Variants in KYAT3 observed in about 807,000 individuals in gnomAD.
The protein encoded by KYAT3 is kynurenine--oxoglutarate transaminase 3.
A neutral mutation model predicts 59.0 loss-of-function variants in KYAT3; 50 were observed. That is an observed-to-expected ratio of 0.85 (90% confidence interval 0.68 to 1.07). The LOEUF (loss-of-function observed/expected upper bound fraction) is 1.07, where lower values mean the gene tolerates loss of function less well. Ranked by LOEUF, KYAT3 falls within the 50% of genes least tolerant of loss-of-function variation. The probability of loss-of-function intolerance (pLI) is 0.00; values close to 1 mark genes in which losing one functional copy is unlikely to be tolerated. For missense variants in KYAT3, 497 were observed against 533.3 expected (o/e 0.93, Z 0.67); for synonymous variants, 148 against 177.0 (o/e 0.84, Z 1.30).
chr1:88,967,393 T>G (rs1676387726), intron 4 of KYAT3, among the ~76,000 whole-genome samples: 1 of 152,072 alleles, frequency 6.6e-6, no homozygotes, highest in African/African-American at 2.4e-5. Flanking sequence ...AGAACTGGTA[T>G]TATTAGGTTT....
chr1:88,949,240 C>G lies in KYAT3; in HGVS notation c.992G>C (p.Arg331Pro). The stretch of plus-strand genomic sequence containing the variant: ...AAAGTAACATTCTGGGTCATCCATG[C>G]GCTTGATGTCAATCCAGAAAGCTTG... ...LAQAFWIDIK[R>P]MDDPECYFNS... The change falls in exon 11 of 14, where the codon CGC (arginine) becomes CCC (proline). Residue 331 changes from arginine (R) to proline (P), a missense_variant. Physicochemically the swap from Arg to Pro is moderately radical, Grantham distance 103. Around this residue, in one of 2 missense-constraint regions of KYAT3, gnomAD observed 469 missense variants for 479.1 expected, o/e 0.98. Transcript: ENST00000260508. The G allele has an allele frequency of 6.3e-7, 1 of 1,579,452 alleles. No homozygotes were observed. The highest frequency in any genetic ancestry group is 8.6e-7 in the Non-Finnish European group (1 of 1,168,740).
chr1:88,938,543 A>G (rs1198599484), intron 13 of KYAT3, among the ~76,000 whole-genome samples: 1 of 151,814 alleles, frequency 6.6e-6, no homozygotes, highest in Admixed American at 6.6e-5. Flanking sequence ...CCCACCCTCC[A>G]CCCTCAAGGA....
rs747415758 is a variant in KYAT3, at chr1:88,949,110, G to A, written c.1122C>T (p.Ile374=). 47 of 1,592,032 alleles carry A rather than the reference G, an allele frequency of 3.0e-5. No homozygotes were observed. The highest frequency in any genetic ancestry group is 3.3e-4 in the Middle Eastern group (2 of 5,986). ...PIVPDGGYFI[I]ADVSLLDPDL... Reference sequence around the variant, plus strand: ...ACAAACCTAGCAAAGACACATCAGCGATGATGAAGTATCCTCCATCAGGAA... The same window carrying A: ...ACAAACCTAGCAAAGACACATCAGCAATGATGAAGTATCCTCCATCAGGAA... The change falls in exon 11 of 14, where the codon ATC becomes ATT. Residue 374 remains isoleucine (I), a synonymous_variant. Coordinates refer to ENST00000260508, the MANE Select transcript of KYAT3 (RefSeq NM_001008661.3).
chr1:88,955,116 AT>A, intron 9 of KYAT3, 32 bp downstream of exon 9: 1 of 1,405,352 alleles, frequency 7.1e-7, no homozygotes, highest in Non-Finnish European at 1.0e-6. Flanking sequence ...ATACAGGCCT[AT>A]TTTTAAGCAA....
downstream of KYAT3, among the ~76,000 whole-genome samples, chr1:88,934,751 A>C (rs1570764207): frequency 6.6e-6 from 1 of 152,300 alleles, no homozygotes; most frequent in African/African-American, 2.4e-5. Flanking sequence ...TGAAGATTTA[A>C]GGGAGCCGAT....
intron 2 of KYAT3, chr1:88,979,691 CA>C (rs1321542855): frequency 4.6e-5 from 7 of 152,208 alleles, no homozygotes; most frequent in African/African-American, 1.4e-4. Context: ...TGAGTGTTGG[CA>C]GTTGGAACTC....
intron 13 of KYAT3, among the ~76,000 whole-genome samples, chr1:88,939,732 C>T (rs1055132457): frequency 1.3e-5 from 2 of 152,094 alleles, no homozygotes; most frequent in African/African-American, 4.8e-5. Context: ...TCCTTAATGT[C>T]CTTACAGAAG....
At chr1:88,947,673 C>A (rs1435862079) in intron 11 of KYAT3, among the ~76,000 whole-genome samples, 2 of 152,206 alleles carry the variant, frequency 1.3e-5, no homozygotes, top group African/African-American at 4.8e-5. Context: ...GAGTTTACAG[C>A]CACTTTCCAG....
At chr1:88,974,013 TCA>T (rs1366938977) in intron 2 of KYAT3, among the ~76,000 whole-genome samples, 2 of 152,146 alleles carry the variant, frequency 1.3e-5, no homozygotes, top group East Asian at 3.9e-4. Context: ...GAAGTCAAGG[TCA>T]CAGCCAAAAA....
At chr1:88,948,113 A>T (rs113452145) in intron 11 of KYAT3, among the ~76,000 whole-genome samples, 1 of 151,742 alleles carries the variant, frequency 6.6e-6, no homozygotes, top group African/African-American at 2.4e-5. Context: ...AACAAAACAA[A>T]ACAAAACAAA....
chr1:88,940,440 C>G (rs547944077), intron 13 of KYAT3, among the ~76,000 whole-genome samples: 1 of 152,172 alleles, frequency 6.6e-6, no homozygotes, highest in East Asian at 1.9e-4. Flanking sequence ...ATGCACTATA[C>G]CTATTGTTCT....
At chr1:88,986,204 GAGAGAC>G (rs1398510060) in intron 2 of KYAT3, among the ~76,000 whole-genome samples, 5 of 151,208 alleles carry the variant, frequency 3.3e-5, no homozygotes, top group African/African-American at 1.2e-4. Context: ...GAGAGAGAGA[GAGAGAC>G]AGAGAGAGTT....
downstream of KYAT3, among the ~76,000 whole-genome samples, chr1:88,932,677 G>A (rs1302982093): frequency 1.3e-5 from 2 of 151,834 alleles, no homozygotes; most frequent in Non-Finnish European, 2.9e-5. Context: ...ATTCTTTTTT[G>A]TGGAGATAAG....
the KYAT3 span, among the ~76,000 whole-genome samples, chr1:88,922,326 G>A: frequency 2.0e-5 from 3 of 152,182 alleles, no homozygotes; most frequent in Non-Finnish European, 2.9e-5. Context: ...GCCCTGATGA[G>A]GAAAGAGCAG....
At chr1:88,922,028 A>C in the KYAT3 span, among the ~76,000 whole-genome samples, 1 of 152,256 alleles carries the variant, frequency 6.6e-6, no homozygotes. Context: ...GACAGAAAAA[A>C]TTAACCATCA....
At chr1:88,959,982 T>G (rs1286607756) in intron 8 of KYAT3, among the ~76,000 whole-genome samples, 3 of 145,544 alleles carry the variant, frequency 2.1e-5, no homozygotes, top group African/African-American at 7.5e-5. Flanking sequence ...GTGGGAGGAT[T>G]GCTTGAGCCC....
chr1:88,952,782 CAT>C (rs1408236982), intron 10 of KYAT3, among the ~76,000 whole-genome samples: 2 of 152,120 alleles, frequency 1.3e-5, no homozygotes, highest in Non-Finnish European at 2.9e-5. Flanking sequence ...GGGGCAAACA[CAT>C]GTGTAATTTT....
intron 2 of KYAT3, among the ~76,000 whole-genome samples, chr1:88,985,506 C>T (rs1346602264): frequency 6.6e-5 from 10 of 152,210 alleles, no homozygotes; most frequent in African/African-American, 2.2e-4. Flanking sequence ...AACACACCTA[C>T]GTTCCAAGTA....
chr1:88,935,702 ACAC>A (rs1675008402), downstream of KYAT3: 1 of 285,100 alleles, frequency 3.5e-6, no homozygotes, highest in Admixed American at 5.1e-5. Context: ...ACAGGTGGGT[ACAC>A]AAAACAAATA....
Sources: gnomAD v4.1 joint callset for allele counts (sites outside exome capture counted in the v4.1 genomes callset) on GRCh38, gnomAD v4.1.1 for gene constraint, gnomAD v4.1.1 regional missense constraint, MANE v1.5 for transcripts, NCBI Gene and HGNC (gene_info 2026-07-23, HGNC 2026-07-21) for gene names.